MDGA2: variants seen among roughly 807,000 people sequenced by gnomAD.
MDGA2 encodes MAM domain-containing glycosylphosphatidylinositol anchor protein 2.
A neutral mutation model predicts 117.8 loss-of-function variants in MDGA2; 40 were observed. The observed-to-expected ratio is 0.34, with a 90% confidence interval of 0.26 to 0.44. MDGA2 has a LOEUF of 0.44. Ranked by LOEUF, MDGA2 falls within the 20% of genes least tolerant of loss-of-function variation. The pLI, the probability that MDGA2 is intolerant of heterozygous loss-of-function variation, is 1.00. For synonymous variants in MDGA2, 452 were observed against 439.0 expected, an observed-to-expected ratio of 1.03 and a Z score of -0.37; for missense variants, 1,123 against 1,250.6, an observed-to-expected ratio of 0.90 and a Z score of 1.54.
At chr14:47,500,911 T>C (rs560536095) in intron 1 of MDGA2, among the ~76,000 whole-genome samples, 5 of 152,092 alleles carry the variant, frequency 3.3e-5, no homozygotes, top group Admixed American at 2.0e-4. Flanking sequence ...AAAAGGGTAA[T>C]AAAAATTACT....
At chr14:46,960,849 T>C (rs191219972) in intron 8 of MDGA2, among the ~76,000 whole-genome samples, 5 of 147,828 alleles carry the variant, frequency 3.4e-5, no homozygotes. Context: ...AAAATACATA[T>C]ATATTTTAAT....
At chr14:46,862,839 T>C (rs1881567319) in intron 14 of MDGA2, among the ~76,000 whole-genome samples, 1 of 152,068 alleles carries the variant, frequency 6.6e-6, no homozygotes, top group Non-Finnish European at 1.5e-5. Context: ...AAAATCATTA[T>C]TTTCTGCTTG....
At chr14:47,248,469 C>T (rs1240265545) in intron 2 of MDGA2, among the ~76,000 whole-genome samples, 1 of 151,350 alleles carries the variant, frequency 6.6e-6, no homozygotes, top group East Asian at 1.9e-4. Flanking sequence ...TAGATAGTAG[C>T]CACAAGGTAA....
intron 5 of MDGA2, among the ~76,000 whole-genome samples, chr14:47,107,841 G>A (rs374037486): frequency 0.028 from 4,235 of 151,222 alleles, 55 homozygotes; most frequent in Admixed American, 0.049. Flanking sequence ...AGTGGCTGCC[G>A]CTGCTTTAAT....
chr14:47,169,824 C>T (rs746084206), intron 3 of MDGA2, among the ~76,000 whole-genome samples: 10 of 151,928 alleles, frequency 6.6e-5, no homozygotes, highest in Non-Finnish European at 1.2e-4. Context: ...TAACTAGATA[C>T]TACTGATTAA....
At chr14:47,083,129 G>A (rs926199854) in intron 6 of MDGA2, among the ~76,000 whole-genome samples, 1 of 151,804 alleles carries the variant, frequency 6.6e-6, no homozygotes, top group African/African-American at 2.4e-5. Context: ...ATTAATGAAA[G>A]AGACAGGAAA....
chr14:47,543,533 G>A (rs895549736), intron 1 of MDGA2, among the ~76,000 whole-genome samples: 13 of 152,166 alleles, frequency 8.5e-5, no homozygotes, highest in Admixed American at 6.5e-4. Context: ...CCAAAGCAAT[G>A]AACTGAATAT....
At chr14:46,958,025 GAA>G (rs1276408721) in intron 8 of MDGA2, among the ~76,000 whole-genome samples, 1 of 152,036 alleles carries the variant, frequency 6.6e-6, no homozygotes, top group Non-Finnish European at 1.5e-5. Context: ...ATTATGCAAT[GAA>G]AAGATTCCTT....
At chr14:47,424,880 A>G (rs1594850467) in intron 1 of MDGA2, among the ~76,000 whole-genome samples, 1 of 152,114 alleles carries the variant, frequency 6.6e-6, no homozygotes, top group Non-Finnish European at 1.5e-5. Flanking sequence ...CATAGTTTTT[A>G]TTTTTCTAAC....
rs1189901692 is a variant in MDGA2 at position 47,128,607 on chromosome 14, CTTTT to C, written c.925+3103_925+3106del. On this transcript the variant is annotated intron_variant, in intron 5 of 16. Transcript: ENST00000399232. ...CTTGTTTCTCAATATCCAATTTCCC[CTTTT>C]TTAAGTCAGATGAGATTAACTTTTA... Among the ~76,000 whole-genome samples the C allele has an allele frequency of 9.2e-5, 14 of 151,658 alleles. No homozygotes were observed. In the East Asian group the frequency reaches 1.9e-3, roughly 21 times the overall value.
Position 47,096,989 on chromosome 14 carries a change from G to A in MDGA2, c.1060C>T (p.Pro354Ser). The A allele has an allele frequency of 3.1e-6, 5 of 1,613,286 alleles. No homozygotes were observed. The highest frequency in any genetic ancestry group is 4.2e-6 in the Non-Finnish European group (5 of 1,179,488). Residue 354 changes from proline (P) to serine (S), a missense_variant, in exon 6 of 17, where the codon CCT becomes TCT. By Grantham distance (74) the Pro-to-Ser change is moderately conservative (BLOSUM62 -1). This residue lies in a region of MDGA2 where 890 missense variants were observed against 1,050.3 expected (regional missense o/e 0.85). Transcript: ENST00000399232. ...LTWVRSFGTL[P>S]EKTVLNGGTL... The stretch of plus-strand genomic sequence containing the variant: ...CCTCCATTCAAAACAGTCTTTTCAG[G>A]CAGAGTCCCAAAGGACCTGACCCAG...
At chr14:47,448,613 G>A (rs1370715127) in intron 1 of MDGA2, among the ~76,000 whole-genome samples, 2 of 152,108 alleles carry the variant, frequency 1.3e-5, no homozygotes, top group Admixed American at 1.3e-4. Context: ...CAGGACAGAG[G>A]CTCACTTTTG....
At chr14:46,965,948 TAGGTG>T (rs1886011741) in intron 8 of MDGA2, among the ~76,000 whole-genome samples, 1 of 151,982 alleles carries the variant, frequency 6.6e-6, no homozygotes, top group Non-Finnish European at 1.5e-5. Context: ...TTAAGAAAAG[TAGGTG>T]CCTGTGTTTT....
chr14:47,504,060 A>G (rs1463203790), intron 1 of MDGA2, among the ~76,000 whole-genome samples: 1 of 152,192 alleles, frequency 6.6e-6, no homozygotes, highest in Non-Finnish European at 1.5e-5. Context: ...TTATACAGCT[A>G]GGTGACACAA....
At chr14:47,609,428 C>CATATATATATAT (rs3040345) in intron 1 of MDGA2, among the ~76,000 whole-genome samples, 483 of 17,496 alleles carry the variant, frequency 0.028, 75 homozygotes, top group Middle Eastern at 0.056. Context: ...AGTATTCCAT[C>CATATATATATAT]ATATATATAT....
At chr14:46,845,730 C>T (rs1880811600) in intron 16 of MDGA2, 36 bp downstream of exon 16, 3 of 1,289,100 alleles carry the variant, frequency 2.3e-6, no homozygotes, top group African/African-American at 1.5e-5. Flanking sequence ...GTTACTTTAA[C>T]GTTACAACAA....
At chr14:47,542,741 T>A (rs961913326) in intron 1 of MDGA2, among the ~76,000 whole-genome samples, 1 of 152,148 alleles carries the variant, frequency 6.6e-6, no homozygotes, top group Non-Finnish European at 1.5e-5. Context: ...TTTAAAAAAA[T>A]TTTGACAAAA....
intron 2 of MDGA2, among the ~76,000 whole-genome samples, chr14:47,262,628 G>A (rs1025216190): frequency 6.6e-6 from 1 of 152,146 alleles, no homozygotes; most frequent in African/African-American, 2.4e-5. Context: ...AAGAATAGAA[G>A]TTCAATAGGG....
At chr14:47,246,703 A>G (rs1189511334) in intron 2 of MDGA2, among the ~76,000 whole-genome samples, 3 of 151,672 alleles carry the variant, frequency 2.0e-5, no homozygotes, top group African/African-American at 7.3e-5. Context: ...TTTTTTAAAT[A>G]AAAGAAGTAT....
Sources: gnomAD v4.1 joint callset for allele counts (sites outside exome capture counted in the v4.1 genomes callset) on GRCh38, gnomAD v4.1.1 for gene constraint, gnomAD v4.1.1 regional missense constraint, MANE v1.5 for transcripts, NCBI Gene and HGNC (gene_info 2026-07-23, HGNC 2026-07-21) for gene names.